TFIP11: variants seen among roughly 807,000 people sequenced by gnomAD.
TFIP11 encodes the protein tuftelin-interacting protein 11.
Under a neutral mutation model 96.8 loss-of-function variants are expected in TFIP11, and 86 were observed. The ratio of observed to expected loss-of-function variants is 0.89; its 90% CI spans 0.75 to 1.06. The LOEUF (loss-of-function observed/expected upper bound fraction) is 1.06. TFIP11 is among the 50% of genes least tolerant of loss of function. The probability of loss-of-function intolerance (pLI) is 0.00; values close to 1 mark genes in which losing one functional copy is unlikely to be tolerated. For missense variants in TFIP11, 881 were observed against 1,076.7 expected (o/e 0.82, Z 2.54); for synonymous variants, 405 against 395.2 (o/e 1.02, Z -0.29).
In TFIP11 at chr22:26,494,405, AG is replaced by A. The variant is rs774060606; in HGVS notation, c.1993-102del. ...TGTTTTGATCCTGGTCCTACAGGCT[AG>A]TGACACTACTTTACAGGGATTTATA... On this transcript the variant is annotated intron_variant, in intron 13 of 14. Coordinates refer to ENST00000407690, the MANE Select transcript of TFIP11 (RefSeq NM_012143.4). 2.3e-5 allele frequency: 31 copies of A among 1,357,932 alleles called. No individual in the cohort carries two copies. In the Admixed American group the frequency reaches 2.3e-4, roughly 10 times the overall value. 84.1% of individuals were successfully genotyped at this position (1,357,932 alleles called of 1,614,324 possible).
intron 4 of TFIP11, among the ~76,000 whole-genome samples, chr22:26,509,541 T>C (rs191188630): frequency 6.6e-6 from 1 of 152,224 alleles, no homozygotes; most frequent in African/African-American, 2.4e-5. Flanking sequence ...TACATAGCAA[T>C]CGCTCAATAA....
rs1921187073 is a variant in TFIP11, at chr22:26,491,579, T to C, written c.*434A>G. 1 of 1,614,020 alleles carries C rather than the reference T, an allele frequency of 6.2e-7. No individual in the cohort carries two copies. Among genetic ancestry groups the C allele is most frequent in the South Asian group, 1.1e-5 (1 of 91,088 alleles). ...AAAAGCTAGAACAGCTCTCCATAGA[T>C]ATTTGGGAGTTTCGGGAAGAACCAG... On this transcript the variant is annotated 3_prime_UTR_variant, in exon 15 of 15. Coordinates refer to ENST00000407690, the MANE Select transcript of TFIP11 (RefSeq NM_012143.4).
chr22:26,504,766 C>G (rs964879778), intron 6 of TFIP11, among the ~76,000 whole-genome samples: 3 of 152,038 alleles, frequency 2.0e-5, no homozygotes, highest in African/African-American at 7.2e-5. Flanking sequence ...AACACATAAC[C>G]TGGATTTCAC....
intron 2 of TFIP11, chr22:26,511,067 T>C (rs764959025): frequency 6.6e-6 from 1 of 152,202 alleles, no homozygotes; most frequent in African/African-American, 2.4e-5. Flanking sequence ...GCGACATAAC[T>C]AATGGAATAG....
rs144296284 is a variant in TFIP11 at position 26,499,174 on chromosome 22, C to G, written c.1259G>C (p.Arg420Pro). 8.7e-6 allele frequency: 14 copies of G among 1,609,016 alleles called. No individual in the cohort carries two copies. The Admixed American group carries it at 1.5e-4, about 17-fold the overall frequency. The change falls in exon 9 of 15, where the codon CGT (arginine) becomes CCT (proline). Residue 420 changes from arginine to proline, a missense_variant. Arg to Pro is a moderately radical substitution (Grantham distance 103). Transcript: ENST00000407690. ...KYYEEYRMSD[R>P]VDLAVAIVYP... ...GACGATGGCCACAGCAAGGTCCACA[C>G]GGTCGGACATCCTGTACTCCTCATA...
At chr22:26,500,749 A>G (rs1048412159) in intron 8 of TFIP11, among the ~76,000 whole-genome samples, 1 of 152,130 alleles carries the variant, frequency 6.6e-6, no homozygotes, top group African/African-American at 2.4e-5. Flanking sequence ...GGTCGTCCAG[A>G]TAACAGCACG....
chr22:26,502,880 T>C (rs1922961036), intron 7 of TFIP11, among the ~76,000 whole-genome samples: 1 of 152,202 alleles, frequency 6.6e-6, no homozygotes, highest in African/African-American at 2.4e-5. Context: ...CTGGCTCATC[T>C]TACTTGCTTC....
intron 9 of TFIP11, 37 bp downstream of exon 9, chr22:26,499,047 AAGCAAGGGTAAGCCCAACCG>A: frequency 1.2e-6 from 2 of 1,608,992 alleles, no homozygotes; most frequent in Admixed American, 3.3e-5. Context: ...CCAACTCATC[AAGCAAGGGTAAGCCCAACCG>A]AGAGGCAGGG....
rs1167879302 is a variant in TFIP11 at position 26,491,978 on chromosome 22, G to A, written c.*35C>T. ...TTATTTACAGTACATCCCTCTTAGG[G>A]GCAAGTCTCTGACTGGTTCTGGACC... On this transcript the variant is annotated 3_prime_UTR_variant, in exon 15 of 15. Coordinates refer to ENST00000407690, the MANE Select transcript of TFIP11 (RefSeq NM_012143.4). 2 of 1,544,380 alleles carry A rather than the reference G, an allele frequency of 1.3e-6. No individual in the cohort carries two copies. The highest frequency in any genetic ancestry group is 1.8e-6 in the Non-Finnish European group (2 of 1,138,240).
At chr22:26,503,863 T>C (rs999795289) in intron 6 of TFIP11, 70 bp from the exon 7 acceptor site, 1 of 1,577,640 alleles carries the variant, frequency 6.3e-7, no homozygotes, top group Non-Finnish European at 8.6e-7. Flanking sequence ...AATCAGCCAC[T>C]CAGTGAAATG....
chr22:26,510,236 G>T lies in TFIP11; in HGVS notation c.37C>A (p.Arg13Ser). ...CGCTCGTCATCATCATCATCAATGC[G>T]GCCTTCCCCATCCCGGTATAAGTGG... Reference protein sequence around the residue: ...LSHLYRDGEGRIDDDDDEREN... With the variant: ...LSHLYRDGEGSIDDDDDEREN... The change falls in exon 4 of 15, where the codon CGC becomes AGC. Residue 13 changes from arginine to serine, a missense_variant. Arg to Ser is a moderately radical substitution (Grantham distance 110, BLOSUM62 -1). Coordinates refer to ENST00000407690, the MANE Select transcript of TFIP11 (RefSeq NM_012143.4). 3 of 1,614,052 alleles carry T rather than the reference G, an allele frequency of 1.9e-6. 1 individual carries two copies. In the Middle Eastern group the frequency reaches 4.9e-4, roughly 266 times the overall value.
At position 26,501,964 on chromosome 22, in the gene TFIP11, A is replaced by G. The variant is rs1158970523; in HGVS notation, c.737T>C (p.Leu246Ser). Residue 246 changes from leucine (L) to serine (S), a missense_variant, in exon 8 of 15, where the codon TTG becomes TCG. Physicochemically the swap from Leu to Ser is moderately radical, Grantham distance 145. Coordinates refer to ENST00000407690, the MANE Select transcript of TFIP11 (RefSeq NM_012143.4). ...PKYSYKTVEE[L>S]KAKGRISKKL... is the part of the protein sequence containing the mutation. ...CTTGCTAATCCTGCCCTTGGCCTTC[A>G]ACTCTTCCACGGTCTTGTAAGAGTA... The G allele has an allele frequency of 6.2e-7, 1 of 1,613,798 alleles. No homozygotes were observed. The highest frequency in any genetic ancestry group is 2.2e-5 in the East Asian group (1 of 44,788).
intron 6 of TFIP11, chr22:26,505,763 C>G (rs891200046): frequency 3.1e-5 from 1 of 32,536 alleles, no homozygotes; most frequent in African/African-American, 8.3e-5. Context: ...CTCTGTTGCC[C>G]AGGCTGGAGT....
At chr22:26,497,874 C>CA (rs35461044) in intron 10 of TFIP11, among the ~76,000 whole-genome samples, 46,538 of 88,878 alleles carry the variant, frequency 0.52, 11,775 homozygotes, top group East Asian at 0.6. Context: ...GACTTCATCT[C>CA]AAAAAAAAAA....
Position 26,499,149 on chromosome 22 carries a change from G to A in TFIP11, c.1284C>T (p.Val428=). 6.3e-7 allele frequency: 1 copy of A among 1,599,254 alleles called. No homozygotes were observed. The highest frequency in any genetic ancestry group is 1.1e-5 in the South Asian group (1 of 88,872). ...SDRVDLAVAI[V]YPLMKEYFKE... ...TGAAGTACTCCTTCATGAGTGGATA[G>A]ACGATGGCCACAGCAAGGTCCACAC... The change falls in exon 9 of 15, where the codon GTC becomes GTT. Residue 428 remains valine, a synonymous_variant. Coordinates refer to ENST00000407690, the MANE Select transcript of TFIP11 (RefSeq NM_012143.4).
intron 8 of TFIP11, among the ~76,000 whole-genome samples, chr22:26,500,596 T>C (rs1569161180): frequency 6.6e-6 from 1 of 152,004 alleles, no homozygotes; most frequent in Non-Finnish European, 1.5e-5. Flanking sequence ...TGAAACAGAA[T>C]GATTCATCAC....
rs139965949 is a variant in TFIP11 at position 26,512,441 on chromosome 22, G to C, written c.-220C>G. On this transcript the variant is annotated 5_prime_UTR_variant, in exon 1 of 15. Coordinates refer to ENST00000407690, the MANE Select transcript of TFIP11 (RefSeq NM_012143.4). ...AAATTCAGCTTCACCATCCGCGCGA[G>C]AAGACGCCGCTCCTACACCAGAACC... 6.6e-6 allele frequency: 1 copy of C among 152,438 alleles called. No individual in the cohort carries two copies. The highest frequency in any genetic ancestry group is 1.5e-5 in the Non-Finnish European group (1 of 68,120). The allele number at this position is 152,438 out of a possible 1,614,324, so 9.4% of individuals were successfully genotyped here.
chr22:26,494,681 C>A, intron 13 of TFIP11, 116 bp downstream of exon 13: 1 of 1,425,124 alleles, frequency 7.0e-7, no homozygotes, highest in East Asian at 2.3e-5. Flanking sequence ...CATTCCTACC[C>A]TACCATGTAA....
intron 10 of TFIP11, 65 bp from the exon 11 acceptor site, chr22:26,496,954 C>A (rs1198574892): frequency 7.1e-6 from 11 of 1,553,084 alleles, no homozygotes; most frequent in Admixed American, 3.5e-5. Flanking sequence ...TACACCACCA[C>A]CACCTGCCTC....
Sources: gnomAD v4.1 joint callset for allele counts (sites outside exome capture counted in the v4.1 genomes callset) on GRCh38, gnomAD v4.1.1 for gene constraint, MANE v1.5 for transcripts, NCBI Gene and HGNC (gene_info 2026-07-23, HGNC 2026-07-21) for gene names.